KANSL1: variants seen among roughly 807,000 people sequenced by gnomAD.
KANSL1 encodes KAT8 regulatory NSL complex subunit 1.
Under a neutral mutation model 103.6 loss-of-function variants are expected in KANSL1, and 22 were observed. The ratio of observed to expected loss-of-function variants is 0.21; its 90% CI spans 0.15 to 0.30. The LOEUF is 0.30. Among genes scored for constraint, KANSL1 ranks in the 10% least tolerant of loss-of-function variants. The pLI, the probability that KANSL1 is intolerant of heterozygous loss-of-function variation, is 1.00. For missense variants in KANSL1, 1,337 were observed against 1,399.8 expected (o/e 0.96, Z 0.72); for synonymous variants, 600 against 527.6 (o/e 1.14, Z -1.88).
At chr17:46,148,637 A>C (rs914751656) in intron 2 of KANSL1, among the ~76,000 whole-genome samples, 3 of 151,534 alleles carry the variant, frequency 2.0e-5, no homozygotes, top group African/African-American at 7.3e-5. Flanking sequence ...CCCAGGCTGA[A>C]GTATAGTGGC....
chr17:46,185,633 A>G (rs2046984176), intron 1 of KANSL1, among the ~76,000 whole-genome samples: 1 of 152,060 alleles, frequency 6.6e-6, no homozygotes, highest in Admixed American at 6.5e-5. Context: ...ATCAAGCCAT[A>G]TAACAAGTAT....
At chr17:46,041,988 A>C (rs1283112800) in intron 7 of KANSL1, 1 of 151,182 alleles carries the variant, frequency 6.6e-6, no homozygotes, top group Non-Finnish European at 1.5e-5. Flanking sequence ...GCTCACTGCA[A>C]GCTCCGCTTC....
chr17:46,063,980 C>G (rs1299263070), intron 6 of KANSL1, among the ~76,000 whole-genome samples: 1 of 137,176 alleles, frequency 7.3e-6, no homozygotes, highest in Non-Finnish European at 1.5e-5. Context: ...CTACACTTGA[C>G]AGTAATATAC....
chr17:46,157,657 C>A (rs932230825), intron 2 of KANSL1, among the ~76,000 whole-genome samples: 28 of 152,192 alleles, frequency 1.8e-4, no homozygotes, highest in African/African-American at 6.8e-4. Context: ...CTAAGCAAAC[C>A]GCCTGCAAAT....
chr17:46,147,572 TAAAAAA>T (rs10717937), intron 2 of KANSL1, among the ~76,000 whole-genome samples: 18 of 103,078 alleles, frequency 1.7e-4, no homozygotes, highest in African/African-American at 4.6e-4. Flanking sequence ...TGAGACTCTT[TAAAAAA>T]AAAAAAAAAA....
intron 2 of KANSL1, among the ~76,000 whole-genome samples, chr17:46,103,932 GCAGGAGAATTGCTTGAACC>G (rs2042424361): frequency 6.6e-6 from 1 of 152,214 alleles, no homozygotes; most frequent in Admixed American, 6.5e-5. Flanking sequence ...GGAGGCTGAG[GCAGGAGAATTGCTTGAACC>G]CAGGAGGCAG....
At position 46,031,356 on chromosome 17, in the gene KANSL1, C is replaced by T; in HGVS notation, c.*120G>A. ...AAAATACCAAAGTAGGATCTAAATT[C>T]CTTAAGTTCACTAAAAACTGTGAAA... On this transcript the variant is annotated 3_prime_UTR_variant, in exon 15 of 15. Coordinates refer to ENST00000432791, the MANE Select transcript of KANSL1 (RefSeq NM_015443.4). The T allele has an allele frequency of 1.1e-6, 1 of 925,142 alleles. No homozygotes were observed. The allele number at this position is 925,142 out of a possible 1,614,324, so 57.3% of individuals were successfully genotyped here.
intron 2 of KANSL1, among the ~76,000 whole-genome samples, 172 bp from the exon 3 acceptor site, chr17:46,094,873 T>C (rs2146949972): frequency 6.6e-6 from 1 of 152,286 alleles, no homozygotes; most frequent in South Asian, 2.1e-4. Context: ...TGCACATGGA[T>C]ATAAACTTCC....
chr17:46,183,129 C>G (rs2046864082), intron 1 of KANSL1, among the ~76,000 whole-genome samples: 1 of 152,096 alleles, frequency 6.6e-6, no homozygotes, highest in Admixed American at 6.5e-5. Context: ...CAGGCTGAAA[C>G]CTAAAGAATG....
chr17:46,166,041 G>A (rs62060888), intron 2 of KANSL1, among the ~76,000 whole-genome samples: 17,594 of 146,750 alleles, frequency 0.12, 22 homozygotes, highest in Middle Eastern at 0.19. Context: ...GTGAAACCCC[G>A]TCTCTACTAA....
At chr17:46,168,778 T>C (rs2046135614) in intron 2 of KANSL1, among the ~76,000 whole-genome samples, 1 of 152,256 alleles carries the variant, frequency 6.6e-6, no homozygotes, top group Non-Finnish European at 1.5e-5. Context: ...AGGATTCAAC[T>C]GATCCCAAAA....
chr17:46,166,309 C>T (rs545192379), intron 2 of KANSL1, among the ~76,000 whole-genome samples: 14 of 151,692 alleles, frequency 9.2e-5, no homozygotes, highest in South Asian at 6.2e-4. Flanking sequence ...GTCAGGAGTT[C>T]GAGACCAGCC....
chr17:46,158,507 C>A (rs1317014722), intron 2 of KANSL1, among the ~76,000 whole-genome samples: 1 of 152,010 alleles, frequency 6.6e-6, no homozygotes. Context: ...GGATTACGGG[C>A]ATGTGTCACC....
intron 2 of KANSL1, among the ~76,000 whole-genome samples, chr17:46,146,710 G>A (rs2044722880): frequency 7.0e-6 from 1 of 143,296 alleles, no homozygotes; most frequent in African/African-American, 2.5e-5. Context: ...GCGGGCGCCT[G>A]TAGTCCCAGC....
intron 7 of KANSL1, chr17:46,042,786 G>GA (rs2077369811): frequency 2.1e-5 from 3 of 140,920 alleles, no homozygotes; most frequent in African/African-American, 5.6e-5. Context: ...TCTGAGTTGG[G>GA]GAAAAAAAAA....
At chr17:46,087,285 T>C (rs759214083) in intron 3 of KANSL1, among the ~76,000 whole-genome samples, 3 of 152,146 alleles carry the variant, frequency 2.0e-5, no homozygotes, top group Non-Finnish European at 4.4e-5. Context: ...CAACCAACAA[T>C]CATCCATACA....
At chr17:46,049,202 A>T (rs1395075429) in intron 7 of KANSL1, among the ~76,000 whole-genome samples, 2 of 150,656 alleles carry the variant, frequency 1.3e-5, no homozygotes, top group African/African-American at 4.9e-5. Flanking sequence ...GAACTCTTAG[A>T]AATGATCTCT....
At position 46,030,686 on chromosome 17, in the gene KANSL1, T is replaced by C. The variant is rs1352397062; in HGVS notation, c.*790A>G. The C allele has an allele frequency of 6.6e-6, 1 of 151,884 alleles. No individual in the cohort carries two copies. Among genetic ancestry groups the C allele is most frequent in the Admixed American group, 6.6e-5 (1 of 15,248 alleles). 9.4% of individuals were successfully genotyped at this position (151,884 alleles called of 1,614,324 possible). ...AATAGAGGTTAAGTAGTCCTAACCC[T>C]ACCTTCAAAGATCAGGATAGGTGGT... On this transcript the variant is annotated 3_prime_UTR_variant, in exon 15 of 15. Coordinates refer to ENST00000432791, the MANE Select transcript of KANSL1 (RefSeq NM_015443.4).
chr17:46,151,651 A>G (rs1436889217), intron 2 of KANSL1, among the ~76,000 whole-genome samples: 2 of 152,256 alleles, frequency 1.3e-5, no homozygotes, highest in Non-Finnish European at 2.9e-5. Flanking sequence ...CCTGGAACAC[A>G]CTGAGTACTT....
Sources: allele counts gnomAD v4.1 joint callset (sites outside exome capture counted in the v4.1 genomes callset), GRCh38; gene constraint gnomAD v4.1.1; transcripts MANE v1.5; gene names NCBI Gene and HGNC (gene_info 2026-07-23, HGNC 2026-07-21).